The following ZC3H18 variants were observed in gnomAD, a reference collection of about 807,000 sequenced individuals.
The protein encoded by ZC3H18 is zinc finger CCCH-type containing 18.
A neutral mutation model predicts 106.1 loss-of-function variants in ZC3H18; 8 were observed. The ratio of observed to expected loss-of-function variants is 0.08; its 90% CI spans 0.04 to 0.14. The LOEUF is 0.14. Among genes scored for constraint, ZC3H18 ranks in the 10% least tolerant of loss-of-function variants. The pLI is 1.00. For synonymous variants in ZC3H18, 635 were observed against 522.1 expected (o/e 1.22, Z -2.95); for missense variants, 1,318 against 1,278.4 (o/e 1.03, Z -0.47).
intron 16 of ZC3H18, chr16:88,630,279 T>A: frequency 3.8e-6 from 2 of 523,784 alleles, no homozygotes; most frequent in East Asian, 6.3e-5. Context: ...GGCCCAGGTT[T>A]GGCCTCAGCC....
At chr16:88,574,777 G>C (rs1429139743) in intron 1 of ZC3H18, among the ~76,000 whole-genome samples, 1 of 144,710 alleles carries the variant, frequency 6.9e-6, no homozygotes, top group Non-Finnish European at 1.5e-5. Flanking sequence ...GCCTCCCAAA[G>C]TGCTGGGATT....
At chr16:88,578,215 C>G in intron 2 of ZC3H18, among the ~76,000 whole-genome samples, 1 of 152,176 alleles carries the variant, frequency 6.6e-6, no homozygotes, top group East Asian at 1.9e-4. Context: ...AGCCTGACCT[C>G]TGGAGAGGGC....
At chr16:88,576,264 A>G (rs1340951734) in intron 1 of ZC3H18, among the ~76,000 whole-genome samples, 2 of 151,976 alleles carry the variant, frequency 1.3e-5, no homozygotes, top group East Asian at 3.9e-4. Flanking sequence ...CTGGTCTCGA[A>G]CTGCTGGGCT....
chr16:88,579,037 G>T (rs370034030), intron 2 of ZC3H18, among the ~76,000 whole-genome samples: 4 of 152,136 alleles, frequency 2.6e-5, no homozygotes, highest in African/African-American at 9.7e-5. Context: ...CTCAATGCAC[G>T]TTTGGATATG....
At chr16:88,600,819 C>T (rs183162560) in intron 6 of ZC3H18, among the ~76,000 whole-genome samples, 3 of 152,198 alleles carry the variant, frequency 2.0e-5, no homozygotes, top group East Asian at 1.9e-4. Context: ...GTGCTGTTTT[C>T]CTCTGCCTGT....
At chr16:88,613,723 AT>A (rs1905404162) in intron 8 of ZC3H18, among the ~76,000 whole-genome samples, 1 of 152,140 alleles carries the variant, frequency 6.6e-6, no homozygotes, top group African/African-American at 2.4e-5. Flanking sequence ...TGTATTCCAG[AT>A]ACAAGTCCCT....
Position 88,598,721 on chromosome 16 carries a change from A to G in ZC3H18, c.930+9A>G, listed in dbSNP as rs760544271. On this transcript the variant is annotated intron_variant, in intron 5 of 17. Transcript: ENST00000301011. ...TCCGGCATGCAAAGGAGGTAAACAC[A>G]ATTCAGCAGAAATCCCGACAAGAAA... 1.9e-6 allele frequency: 3 copies of G among 1,606,392 alleles called. No individual in the cohort carries two copies. Among genetic ancestry groups the G allele is most frequent in the East Asian group, 4.5e-5 (2 of 44,694 alleles).
intron 6 of ZC3H18, among the ~76,000 whole-genome samples, chr16:88,607,498 C>G (rs1191478420): frequency 6.6e-6 from 1 of 152,258 alleles, no homozygotes; most frequent in African/African-American, 2.4e-5. Flanking sequence ...GAGCTGCGCT[C>G]TCCCAGTGCA....
Position 88,627,407 on chromosome 16 carries a change from C to A in ZC3H18, c.2109-215C>A. 1.9e-6 allele frequency: 1 copy of A among 536,444 alleles called. No homozygotes were observed. Among genetic ancestry groups the A allele is most frequent in the Non-Finnish European group, 3.2e-6 (1 of 314,396 alleles). The allele number at this position is 536,444 out of a possible 1,614,324, so 33.2% of individuals were successfully genotyped here. ...CGTGAGCAGCCGTGCCTGGCTGCAA[C>A]CTGACATTGATTAGTGAAATGGGGC... On this transcript the variant is annotated intron_variant, in intron 13 of 17. Coordinates refer to ENST00000301011, the MANE Select transcript of ZC3H18 (RefSeq NM_144604.4). The surrounding 1 kb of genome is among the most constrained non-coding windows in gnomAD (Gnocchi z 4.5).
intron 16 of ZC3H18, 85 bp downstream of exon 16, chr16:88,628,939 T>A: frequency 7.3e-7 from 1 of 1,374,158 alleles, no homozygotes; most frequent in Non-Finnish European, 1.0e-6. Context: ...CCCATTGCTC[T>A]TAACAAGTAG....
intron 6 of ZC3H18, 65 bp from the exon 7 acceptor site, chr16:88,608,869 T>G: frequency 7.5e-7 from 1 of 1,333,566 alleles, no homozygotes; most frequent in Non-Finnish European, 1.1e-6. Context: ...CCCTAATGTT[T>G]CGTGTGGTCT....
At chr16:88,607,267 G>A (rs137947594) in intron 6 of ZC3H18, among the ~76,000 whole-genome samples, 1,807 of 152,318 alleles carry the variant, frequency 0.012, 44 homozygotes, top group African/African-American at 0.042. Context: ...GATGGCACTG[G>A]CTTAATTATA....
At chr16:88,572,009 A>T (rs1421134132) in intron 1 of ZC3H18, among the ~76,000 whole-genome samples, 1 of 152,228 alleles carries the variant, frequency 6.6e-6, no homozygotes, top group Non-Finnish European at 1.5e-5. Context: ...AAATGTAGTC[A>T]TATGGGAAAA....
In ZC3H18 at chr16:88,611,390, C is replaced by A; in HGVS notation, c.1329C>A (p.Asp443Glu). Reference protein sequence around the residue: ...ERERERERERDKERQRRKEEW... With the variant: ...EREREREREREKERQRRKEEW... ...AGCGAGAGCGGGAGCGCGAGCGCGA[C>A]AAGGAGCGGCAGCGGAGGAAGGAGG... is the stretch of plus-strand genomic sequence containing the variant. Residue 443 changes from aspartate (D) to glutamate (E), a missense_variant, in exon 8 of 18, where the codon GAC (aspartate) becomes GAA (glutamate). Transcript: ENST00000301011. 1.7e-6 allele frequency: 2 copies of A among 1,184,570 alleles called. No homozygotes were observed. The highest frequency in any genetic ancestry group is 2.5e-6 in the Non-Finnish European group (2 of 812,108). 73.4% of individuals were successfully genotyped at this position (1,184,570 alleles called of 1,614,324 possible). A position where few individuals can be genotyped will look rare whatever the true frequency, so the allele number is the denominator to read the frequency against.
At position 88,627,507 on chromosome 16, in the gene ZC3H18, C is replaced by G; in HGVS notation, c.2109-115C>G. On this transcript the variant is annotated intron_variant, in intron 13 of 17. Transcript: ENST00000301011. This position sits in a 1 kb window ranked among gnomAD's most constrained non-coding sequence, Gnocchi z 4.5. The stretch of plus-strand genomic sequence containing the variant: ...CAGTGTCCCCCCAAAATCACACATT[C>G]CGTGGGTACATGATCCATAAATGGA... 7.2e-7 allele frequency: 1 copy of G among 1,393,786 alleles called. No individual in the cohort carries two copies. The highest frequency in any genetic ancestry group is 9.7e-7 in the Non-Finnish European group (1 of 1,032,468). 86.3% of individuals were successfully genotyped at this position (1,393,786 alleles called of 1,614,324 possible).
At chr16:88,606,714 C>G (rs1158759990) in intron 6 of ZC3H18, among the ~76,000 whole-genome samples, 1 of 152,310 alleles carries the variant, frequency 6.6e-6, no homozygotes, top group Admixed American at 6.5e-5. Context: ...CCACAGGTCT[C>G]TACAAATGTT....
At chr16:88,570,997 G>A (rs945051917) in intron 1 of ZC3H18, among the ~76,000 whole-genome samples, 2 of 152,198 alleles carry the variant, frequency 1.3e-5, no homozygotes, top group African/African-American at 4.8e-5. Flanking sequence ...AGCTCTTTAT[G>A]AACCTCCTGG....
At chr16:88,620,018 G>C (rs1905861348) in intron 8 of ZC3H18, among the ~76,000 whole-genome samples, 1 of 152,228 alleles carries the variant, frequency 6.6e-6, no homozygotes, top group South Asian at 2.1e-4. Flanking sequence ...GTTTTGGGCT[G>C]ACGTACAGGA....
At chr16:88,614,483 C>G (rs1905459307) in intron 8 of ZC3H18, among the ~76,000 whole-genome samples, 1 of 152,258 alleles carries the variant, frequency 6.6e-6, no homozygotes, top group Admixed American at 6.5e-5. Context: ...CAGGGTCACT[C>G]ATGGCTGTAG....
Sources: gnomAD v4.1 joint callset for allele counts (sites outside exome capture counted in the v4.1 genomes callset) on GRCh38, gnomAD v4.1.1 for gene constraint, Gnocchi (gnomAD v3.1) non-coding constraint, MANE v1.5 for transcripts, NCBI Gene and HGNC (gene_info 2026-07-23, HGNC 2026-07-21) for gene names.